Variants in GCN1 observed in about 807,000 individuals in gnomAD.
GCN1 encodes the protein GCN1 activator of EIF2AK4, also known as stalled ribosome sensor GCN1.
GCN1 carries 90 observed loss-of-function variants against 288.4 expected under a neutral mutation model. The ratio of observed to expected loss-of-function variants is 0.31; its 90% CI spans 0.26 to 0.37. GCN1 has a LOEUF of 0.37. Ranked by LOEUF, GCN1 falls within the 10% of genes least tolerant of loss-of-function variation. GCN1 has a pLI of 1.00. For missense variants in GCN1, 2,586 were observed against 3,419.9 expected (o/e 0.76, Z 6.08); for synonymous variants, 1,386 against 1,420.2 (o/e 0.98, Z 0.54).
chr12:120,131,595 G>A (rs543707903), intron 54 of GCN1, among the ~76,000 whole-genome samples: 2 of 152,338 alleles, frequency 1.3e-5, no homozygotes, highest in East Asian at 1.9e-4. Flanking sequence ...TCAGGGCTAC[G>A]GGACCACTGC....
At chr12:120,146,403 G>A (rs977990837) in intron 38 of GCN1, among the ~76,000 whole-genome samples, 3 of 151,924 alleles carry the variant, frequency 2.0e-5, no homozygotes, top group African/African-American at 7.3e-5. Flanking sequence ...CCAGGCTGGA[G>A]TGCGGTGGTA....
At chr12:120,148,135 T>G (rs1877419549) in intron 37 of GCN1, 32 bp downstream of exon 37, 1 of 1,563,136 alleles carries the variant, frequency 6.4e-7, no homozygotes. Context: ...TGGTGGGAGG[T>G]CAGGGCAAGC....
chr12:120,156,731 C>T lies in GCN1; in HGVS notation c.3169-127G>A. On this transcript the variant is annotated intron_variant, in intron 27 of 57. Coordinates refer to ENST00000300648, the MANE Select transcript of GCN1 (RefSeq NM_006836.2). The surrounding 1 kb of genome is among the most constrained non-coding windows in gnomAD (Gnocchi z 5.8). Reference sequence around the variant, plus strand: ...AGGGCTAAGACCCCAGCTCCAGTGGCAGGACCCAAGCAAAACCCCTCACTA... The same window carrying T: ...AGGGCTAAGACCCCAGCTCCAGTGGTAGGACCCAAGCAAAACCCCTCACTA... The T allele has an allele frequency of 9.6e-7, 1 of 1,044,952 alleles. No individual in the cohort carries two copies. The highest frequency in any genetic ancestry group is 2.5e-5 in the East Asian group (1 of 39,870). The allele number at this position is 1,044,952 out of a possible 1,614,324, so 64.7% of individuals were successfully genotyped here.
At chr12:120,150,459 G>A (rs1877505781) in intron 34 of GCN1, among the ~76,000 whole-genome samples, 1 of 151,846 alleles carries the variant, frequency 6.6e-6, no homozygotes, top group Admixed American at 6.6e-5. Flanking sequence ...GCTGGGTATG[G>A]TGGTGGGCAC....
At chr12:120,132,910 TG>T (rs570599826) in intron 53 of GCN1, among the ~76,000 whole-genome samples, 37 of 152,238 alleles carry the variant, frequency 2.4e-4, no homozygotes, top group Middle Eastern at 6.8e-3. Flanking sequence ...GAAGCCCAGG[TG>T]CCAAGCTAAA....
At position 120,144,800 on chromosome 12, in the gene GCN1, TCTC is replaced by T. The variant is rs1219019369; in HGVS notation, c.5188_5190del (p.Glu1730del). 2 of 1,613,886 alleles carry T rather than the reference TCTC, an allele frequency of 1.2e-6. No individual in the cohort carries two copies. Among genetic ancestry groups the T allele is most frequent in the Non-Finnish European group, 1.7e-6 (2 of 1,179,956 alleles). ...ATTTCTGGCATCAACTTCTCCAACT[TCTC>T]CACCCCCAAACCGGCCATGACCTCA... On this transcript the variant is annotated inframe_deletion, in exon 41 of 58. Coordinates refer to ENST00000300648, the MANE Select transcript of GCN1 (RefSeq NM_006836.2). This position sits in a 1 kb window ranked among gnomAD's most constrained non-coding sequence, Gnocchi z 4.7.
At position 120,153,675 on chromosome 12, in the gene GCN1, C is replaced by G; in HGVS notation, c.3867+69G>C. 1 of 1,465,524 alleles carries G rather than the reference C, an allele frequency of 6.8e-7. No individual in the cohort carries two copies. The highest frequency in any genetic ancestry group is 1.7e-5 in the Admixed American group (1 of 57,218). 90.8% of individuals were successfully genotyped at this position (1,465,524 alleles called of 1,614,324 possible). On this transcript the variant is annotated intron_variant, in intron 32 of 57. Transcript: ENST00000300648. This position sits in a 1 kb window ranked among gnomAD's most constrained non-coding sequence, Gnocchi z 4.4. ...CCTGCTCAGCCCTAGCGCCTGCCTCCCGTGTCTCCTTAGCGGGCTGGGACC... is the reference window on the plus strand; with the variant it reads ...CCTGCTCAGCCCTAGCGCCTGCCTCGCGTGTCTCCTTAGCGGGCTGGGACC...
chr12:120,139,842 C>G (rs1034556214), intron 45 of GCN1, among the ~76,000 whole-genome samples: 1 of 152,238 alleles, frequency 6.6e-6, no homozygotes, highest in Admixed American at 6.5e-5. Context: ...TTCTTCAAGT[C>G]TCAATCCAGA....
chr12:120,134,259 A>G lies in GCN1; in HGVS notation c.7317+32T>C. ...GGAGGAGGAGGGAAACCAGTGGTCC[A>G]GTGCTGCCACTAGTCCTGCCTGCAG... On this transcript the variant is annotated intron_variant, in intron 53 of 57. Coordinates refer to ENST00000300648, the MANE Select transcript of GCN1 (RefSeq NM_006836.2). This position sits in a 1 kb window ranked among gnomAD's most constrained non-coding sequence, Gnocchi z 5.0. 7.0e-7 allele frequency: 1 copy of G among 1,431,794 alleles called. No homozygotes were observed. The highest frequency in any genetic ancestry group is 9.9e-7 in the Non-Finnish European group (1 of 1,014,232). 88.7% of individuals were successfully genotyped at this position (1,431,794 alleles called of 1,614,324 possible). A position where few individuals can be genotyped will look rare whatever the true frequency, so the allele number is the denominator to read the frequency against.
intron 15 of GCN1, among the ~76,000 whole-genome samples, chr12:120,169,916 T>C (rs768760758): frequency 1.3e-5 from 2 of 152,226 alleles, no homozygotes; most frequent in Non-Finnish European, 2.9e-5. Context: ...TACTAAACCC[T>C]GGTCCATCTA....
intron 51 of GCN1, among the ~76,000 whole-genome samples, chr12:120,135,983 T>G (rs1350754986): frequency 6.6e-6 from 1 of 152,078 alleles, no homozygotes; most frequent in Admixed American, 6.5e-5. Flanking sequence ...GCCACTGCAC[T>G]CCAGCTCTGG....
rs1448461867 is a variant in GCN1 at position 120,137,290 on chromosome 12, G to T, written c.6693C>A (p.Leu2231=). 6.2e-7 allele frequency: 1 copy of T among 1,614,102 alleles called. No homozygotes were observed. The highest frequency in any genetic ancestry group is 8.5e-7 in the Non-Finnish European group (1 of 1,179,970). Residue 2231 remains leucine (L), a synonymous_variant, in exon 50 of 58, where the codon CTC becomes CTA. Transcript: ENST00000300648. The surrounding 1 kb of genome is among the most constrained non-coding windows in gnomAD (Gnocchi z 5.2). The stretch of plus-strand genomic sequence containing the variant: ...GGATTTCCTTGTGCAGCTCTTCAAT[G>T]AGTGCCAACTGGTTGCCAGCATCCA... ...KKLDAGNQLA[L]IEELHKEIRL...
In GCN1 at chr12:120,160,073, C is replaced by G. The variant is rs779987976; in HGVS notation, c.2551-50G>C. The G allele has an allele frequency of 1.3e-5, 20 of 1,582,690 alleles. No homozygotes were observed. The Admixed American group carries it at 3.3e-4, about 26-fold the overall frequency. Reference sequence around the variant, plus strand: ...CAGGTCAGCAGGGCCCTGCTTGTGACAGCAAGCAGCAGGACCAAGCTGCCC... The same window carrying G: ...CAGGTCAGCAGGGCCCTGCTTGTGAGAGCAAGCAGCAGGACCAAGCTGCCC... On this transcript the variant is annotated intron_variant, in intron 23 of 57. Coordinates refer to ENST00000300648, the MANE Select transcript of GCN1 (RefSeq NM_006836.2).
intron 1 of GCN1, among the ~76,000 whole-genome samples, chr12:120,194,106 A>G (rs1879092910): frequency 6.6e-6 from 1 of 152,242 alleles, no homozygotes; most frequent in East Asian, 1.9e-4. Context: ...GCCGTATTTT[A>G]TCTCACTGAA....
Position 120,134,541 on chromosome 12 carries a change from T to C in GCN1, c.7194A>G (p.Pro2398=), listed in dbSNP as rs1876937253. 6.2e-7 allele frequency: 1 copy of C among 1,613,550 alleles called. No homozygotes were observed. Among genetic ancestry groups the C allele is most frequent in the Non-Finnish European group, 8.5e-7 (1 of 1,179,482 alleles). ...LLNGIRAMED[P]GVRDTMLQAL... ...CCTTGCCAGCGCCGTACCTGACACC[T>C]GGGTCCTCCATGGCGCGGATGCCAT... is the stretch of plus-strand genomic sequence containing the variant. Residue 2398 remains proline (P), a synonymous_variant, in exon 52 of 58, where the codon CCA becomes CCG. Coordinates refer to ENST00000300648, the MANE Select transcript of GCN1 (RefSeq NM_006836.2). The surrounding 1 kb of genome is among the most constrained non-coding windows in gnomAD (Gnocchi z 5.0).
intron 5 of GCN1, among the ~76,000 whole-genome samples, chr12:120,182,430 T>A (rs1878695168): frequency 6.6e-6 from 1 of 152,188 alleles, no homozygotes; most frequent in Non-Finnish European, 1.5e-5. Flanking sequence ...GCAGGCTGCT[T>A]CATGGAGCGG....
In GCN1 at chr12:120,178,675, C is replaced by A. The variant is rs1878554294; in HGVS notation, c.610G>T (p.Val204Leu). ...QNYAGMLGLL[V>L]QFCTSHKEMD... ...TCCTTGTGACTCGTGCAGAACTGCA[C>A]CAGCAGCCCCAGCATGCCAGCATAG... The change falls in exon 7 of 58, where the codon GTG becomes TTG. Residue 204 changes from valine to leucine, a missense_variant. Physicochemically the swap from Val to Leu is conservative, Grantham distance 32 (BLOSUM62 1). Coordinates refer to ENST00000300648, the MANE Select transcript of GCN1 (RefSeq NM_006836.2). 2 of 1,614,188 alleles carry A rather than the reference C, an allele frequency of 1.2e-6. No homozygotes were observed. Among genetic ancestry groups the A allele is most frequent in the Admixed American group, 3.3e-5 (2 of 60,032 alleles).
chr12:120,153,029 C>T lies in GCN1; in HGVS notation c.4062+184G>A, dbSNP rs10849738. Among the ~76,000 whole-genome samples, 19,997 of 152,016 alleles carry T rather than the reference C, an allele frequency of 0.13. 1,621 individuals carry two copies. The highest frequency in any genetic ancestry group is 0.19 in the African/African-American group (8,077 of 41,442). On this transcript the variant is annotated intron_variant, in intron 33 of 57. Transcript: ENST00000300648. This position sits in a 1 kb window ranked among gnomAD's most constrained non-coding sequence, Gnocchi z 4.4. ...CTAGAACAAAGTAACAAAGAAACTC[C>T]CTCTCCAGGAGTGTTCCTGACTATA...
At chr12:120,179,205 G>A (rs1465748936) in intron 5 of GCN1, among the ~76,000 whole-genome samples, 1 of 151,996 alleles carries the variant, frequency 6.6e-6, no homozygotes, top group Non-Finnish European at 1.5e-5. Flanking sequence ...AGACAATGAA[G>A]GCACAAGGGG....
Sources: gnomAD v4.1 joint callset for allele counts (sites outside exome capture counted in the v4.1 genomes callset) on GRCh38, gnomAD v4.1.1 for gene constraint, Gnocchi (gnomAD v3.1) non-coding constraint, MANE v1.5 for transcripts, NCBI Gene and HGNC (gene_info 2026-07-23, HGNC 2026-07-21) for gene names.